Variants in SLCO5A1 observed in about 807,000 individuals in gnomAD.
The protein encoded by SLCO5A1 is solute carrier organic anion transporter family member 5A1.
SLCO5A1 carries 39 observed loss-of-function variants against 65.1 expected under a neutral mutation model. The ratio of observed to expected loss-of-function variants is 0.60; its 90% CI spans 0.46 to 0.78. The LOEUF (loss-of-function observed/expected upper bound fraction) is 0.78, where lower values mean the gene tolerates loss of function less well. Ranked by LOEUF, SLCO5A1 falls within the 30% of genes least tolerant of loss-of-function variation. SLCO5A1 has a pLI of 0.00. For missense variants in SLCO5A1, 1,029 were observed against 1,069.4 expected, an observed-to-expected ratio of 0.96 and a Z score of 0.53; for synonymous variants, 438 against 415.7, an observed-to-expected ratio of 1.05 and a Z score of -0.65.
At chr8:69,742,957 T>C (rs1007107959) in intron 4 of SLCO5A1, among the ~76,000 whole-genome samples, 3 of 152,014 alleles carry the variant, frequency 2.0e-5, no homozygotes, top group Non-Finnish European at 4.4e-5. Context: ...CTTGCCACCA[T>C]GCCTGGCTAA....
At chr8:69,824,552 A>G (rs1036314744) in intron 2 of SLCO5A1, among the ~76,000 whole-genome samples, 1 of 152,220 alleles carries the variant, frequency 6.6e-6, no homozygotes, top group African/African-American at 2.4e-5. Flanking sequence ...TCCTGGACAC[A>G]TACACCCTCC....
At chr8:69,762,817 T>C (rs1817858397) in intron 2 of SLCO5A1, among the ~76,000 whole-genome samples, 1 of 152,254 alleles carries the variant, frequency 6.6e-6, no homozygotes, top group South Asian at 2.1e-4. Context: ...TTTGGTTTAC[T>C]GTTAATTGAA....
chr8:69,768,216 A>G (rs1818162916), intron 2 of SLCO5A1, among the ~76,000 whole-genome samples: 1 of 152,208 alleles, frequency 6.6e-6, no homozygotes, highest in Non-Finnish European at 1.5e-5. Context: ...TGTGCAACAG[A>G]GTAAGACCTT....
intron 2 of SLCO5A1, among the ~76,000 whole-genome samples, chr8:69,823,301 G>A (rs1401576088): frequency 6.6e-6 from 1 of 152,006 alleles, no homozygotes; most frequent in African/African-American, 2.4e-5. Flanking sequence ...TGGACTAAAT[G>A]CTCCAATTAA....
intron 2 of SLCO5A1, among the ~76,000 whole-genome samples, chr8:69,783,709 G>A (rs1818901256): frequency 1.3e-5 from 2 of 151,954 alleles, no homozygotes; most frequent in African/African-American, 4.8e-5. Flanking sequence ...TAGTTATTTG[G>A]TGAAGTTATA....
At chr8:69,800,656 T>A (rs1819692276) in intron 2 of SLCO5A1, among the ~76,000 whole-genome samples, 1 of 152,226 alleles carries the variant, frequency 6.6e-6, no homozygotes, top group South Asian at 2.1e-4. Flanking sequence ...TACACTGCAG[T>A]AACAAGCAGT....
chr8:69,797,546 A>G (rs1478501804), intron 2 of SLCO5A1, among the ~76,000 whole-genome samples: 3 of 152,252 alleles, frequency 2.0e-5, no homozygotes, highest in East Asian at 1.9e-4. Flanking sequence ...ATATTGCTGA[A>G]TTCTTTTTCC....
At chr8:69,747,768 G>A (rs751558765) in intron 4 of SLCO5A1, among the ~76,000 whole-genome samples, 8 of 152,198 alleles carry the variant, frequency 5.3e-5, no homozygotes, top group Middle Eastern at 3.4e-3. Context: ...CTTCTGGTGC[G>A]TCAAAAAGCT....
At position 69,810,957 on chromosome 8, in the gene SLCO5A1, T is replaced by C. The variant is rs139997590; in HGVS notation, c.907+20810A>G. ...CATGCACACCCACGAACACAGACTG[T>C]GCCTCTATGAGAGAAGTTAGGCAAA... On this transcript the variant is annotated intron_variant, in intron 2 of 9. Coordinates refer to ENST00000260126, the MANE Select transcript of SLCO5A1 (RefSeq NM_030958.3). Among the ~76,000 whole-genome samples the C allele has an allele frequency of 5.6e-3, 858 of 152,298 alleles. 7 individuals carry two copies. Among genetic ancestry groups the C allele is most frequent in the Non-Finnish European group, 9.1e-3 (622 of 68,026 alleles).
chr8:69,682,182 A>C lies in SLCO5A1; in HGVS notation c.1782+2T>G, dbSNP rs1482671154. On this transcript the variant is annotated splice_donor_variant, in intron 7 of 9. Transcript: ENST00000260126. LOFTEE classifies it high-confidence loss of function. The stretch of plus-strand genomic sequence containing the variant: ...GAAGAGGAACTTGTGAAATATACTC[A>C]CCCCAGTGCTAAGATTACCACTATT... 6.2e-7 allele frequency: 1 copy of C among 1,604,072 alleles called. No homozygotes were observed. Among genetic ancestry groups the C allele is most frequent in the Non-Finnish European group, 8.5e-7 (1 of 1,176,166 alleles).
intron 6 of SLCO5A1, among the ~76,000 whole-genome samples, chr8:69,686,912 A>T (rs1385528363): frequency 6.6e-6 from 1 of 152,158 alleles, no homozygotes; most frequent in Non-Finnish European, 1.5e-5. Flanking sequence ...AAGTGCTGTG[A>T]ATTTCAGATT....
chr8:69,695,930 A>G (rs778178043), intron 6 of SLCO5A1, among the ~76,000 whole-genome samples: 3 of 152,242 alleles, frequency 2.0e-5, no homozygotes, highest in Non-Finnish European at 4.4e-5. Context: ...ACTTGAAGAA[A>G]TGGGTTTAAA....
chr8:69,773,499 C>A (rs1818428084), intron 2 of SLCO5A1, among the ~76,000 whole-genome samples: 1 of 152,186 alleles, frequency 6.6e-6, no homozygotes, highest in Non-Finnish European at 1.5e-5. Context: ...GTCCAGAGTA[C>A]CAGAGGCTGT....
chr8:69,706,728 C>T (rs1255686740), intron 5 of SLCO5A1, among the ~76,000 whole-genome samples: 1 of 152,162 alleles, frequency 6.6e-6, no homozygotes, highest in Non-Finnish European at 1.5e-5. Context: ...TTATAATCCA[C>T]CCAGTCTATG....
Position 69,789,552 on chromosome 8 carries a change from T to C in SLCO5A1, c.908-27677A>G, listed in dbSNP as rs1451432044. 2.0e-5 allele frequency among the ~76,000 whole-genome samples: 3 copies of C among 152,198 alleles called. No homozygotes were observed. In the East Asian group the frequency reaches 5.8e-4, roughly 29 times the overall value. On this transcript the variant is annotated intron_variant, in intron 2 of 9. Coordinates refer to ENST00000260126, the MANE Select transcript of SLCO5A1 (RefSeq NM_030958.3). ...GGGGGAGTGGCCGGGGAATGGGAAATGCAGGTCAAAGAATTCAAAACAGCA... is the reference window on the plus strand; with the variant it reads ...GGGGGAGTGGCCGGGGAATGGGAAACGCAGGTCAAAGAATTCAAAACAGCA...
intron 2 of SLCO5A1, among the ~76,000 whole-genome samples, chr8:69,764,463 C>T (rs1201974923): frequency 1.3e-5 from 2 of 152,124 alleles, no homozygotes; most frequent in African/African-American, 4.8e-5. Context: ...AAAGAGAAAG[C>T]ACAGTGTTTA....
At chr8:69,779,030 T>G (rs1818694389) in intron 2 of SLCO5A1, among the ~76,000 whole-genome samples, 1 of 152,208 alleles carries the variant, frequency 6.6e-6, no homozygotes, top group Non-Finnish European at 1.5e-5. Flanking sequence ...ATGTATAGTG[T>G]ATGGCTACTT....
intron 4 of SLCO5A1, among the ~76,000 whole-genome samples, chr8:69,754,089 G>GA (rs1190301358): frequency 3.3e-5 from 5 of 150,786 alleles, no homozygotes; most frequent in East Asian, 1.9e-4. Flanking sequence ...ATTGAGTTGT[G>GA]AAAAAAAATC....
chr8:69,701,024 G>C (rs780553446), intron 6 of SLCO5A1, among the ~76,000 whole-genome samples: 9 of 151,934 alleles, frequency 5.9e-5, no homozygotes, highest in Non-Finnish European at 1.2e-4. Flanking sequence ...GATGACAGCC[G>C]GGCAGCCAGC....
Sources: gnomAD v4.1 joint callset for allele counts (sites outside exome capture counted in the v4.1 genomes callset) on GRCh38, gnomAD v4.1.1 for gene constraint, MANE v1.5 for transcripts, NCBI Gene and HGNC (gene_info 2026-07-23, HGNC 2026-07-21) for gene names.